Variants in PREX2 observed in about 807,000 individuals in gnomAD.
PREX2 encodes phosphatidylinositol-3,4,5-trisphosphate dependent Rac exchange factor 2.
Under a neutral mutation model 203.2 loss-of-function variants are expected in PREX2, and 107 were observed. The observed-to-expected ratio is 0.53, with a 90% CI of 0.45 to 0.62. PREX2 has a LOEUF of 0.62. Among genes scored for constraint, PREX2 ranks in the 20% least tolerant of loss-of-function variants. The pLI is 0.00. For missense variants in PREX2, 1,777 were observed against 1,955.9 expected (o/e 0.91, Z 1.72); for synonymous variants, 672 against 663.6 (o/e 1.01, Z -0.19).
At chr8:68,169,256 C>T (rs563487404) in intron 35 of PREX2, among the ~76,000 whole-genome samples, 1 of 152,170 alleles carries the variant, frequency 6.6e-6, no homozygotes, top group Non-Finnish European at 1.5e-5. Context: ...CCTGGGGAGG[C>T]AATCAGCCAG....
intron 37 of PREX2, among the ~76,000 whole-genome samples, chr8:68,205,002 A>G (rs978371649): frequency 1.3e-5 from 2 of 151,710 alleles, no homozygotes; most frequent in Admixed American, 6.6e-5. Flanking sequence ...CTTTTAAGCT[A>G]CTCGGAAACC....
At chr8:68,071,685 G>A (rs1246933657) in intron 13 of PREX2, among the ~76,000 whole-genome samples, 1 of 152,108 alleles carries the variant, frequency 6.6e-6, no homozygotes, top group Non-Finnish European at 1.5e-5. Flanking sequence ...TCTACTGAAC[G>A]GAGAGTCTGA....
At position 68,054,264 on chromosome 8, in the gene PREX2, G is replaced by A. The variant is rs143316852; in HGVS notation, c.1093+1018G>A. ...AGTTTATGAATATATGACTGACTAA[G>A]TTTTGTTGAATGTAGCAGTCAATTC... On this transcript the variant is annotated intron_variant, in intron 9 of 39. Coordinates refer to ENST00000288368, the MANE Select transcript of PREX2 (RefSeq NM_024870.4). Among the ~76,000 whole-genome samples, 7 of 151,980 alleles carry A rather than the reference G, an allele frequency of 4.6e-5. 1 individual carries two copies. The highest frequency in any genetic ancestry group is 1.2e-4 in the African/African-American group (5 of 41,470).
Position 68,089,843 on chromosome 8 carries a change from GTATT to G in PREX2, c.2114-731_2114-728del, listed in dbSNP as rs1480481995. On this transcript the variant is annotated intron_variant, in intron 19 of 39. Coordinates refer to ENST00000288368, the MANE Select transcript of PREX2 (RefSeq NM_024870.4). ...ATTATTTGCATTGTATTCATTACAT[GTATT>G]TATTAATGGTATTTTGTTAATATTG... Among the ~76,000 whole-genome samples, 4 of 152,226 alleles carry G rather than the reference GTATT, an allele frequency of 2.6e-5. No individual in the cohort carries two copies. The South Asian group carries it at 6.2e-4, about 24-fold the overall frequency.
At chr8:68,103,508 A>G (rs1487741436) in intron 23 of PREX2, 1 of 517,978 alleles carries the variant, frequency 1.9e-6, no homozygotes, top group Non-Finnish European at 3.9e-6. Context: ...TATATCACCT[A>G]CATTAAAAAG....
At chr8:67,971,756 A>T (rs895079897) in intron 1 of PREX2, among the ~76,000 whole-genome samples, 3 of 152,216 alleles carry the variant, frequency 2.0e-5, no homozygotes, top group Admixed American at 6.5e-5. Flanking sequence ...AGATATAGTT[A>T]AAGTTTTGAT....
intron 1 of PREX2, among the ~76,000 whole-genome samples, chr8:67,993,855 T>G (rs938983725): frequency 3.3e-5 from 5 of 152,178 alleles, no homozygotes; most frequent in African/African-American, 1.2e-4. Flanking sequence ...AAAAAATATA[T>G]GAGCCAAAGG....
intron 38 of PREX2, among the ~76,000 whole-genome samples, chr8:68,223,674 T>C (rs1444054773): frequency 1.3e-5 from 2 of 152,186 alleles, no homozygotes; most frequent in African/African-American, 4.8e-5. Context: ...TAGTAAGTAA[T>C]TTTCATGAGG....
At chr8:68,165,464 C>T (rs963594665) in intron 35 of PREX2, among the ~76,000 whole-genome samples, 14 of 151,922 alleles carry the variant, frequency 9.2e-5, no homozygotes, top group Non-Finnish European at 1.3e-4. Context: ...TTTTCACGGA[C>T]GGGTTTTTTA....
At chr8:68,138,653 A>G (rs1024223696) in intron 33 of PREX2, 136 bp downstream of exon 33, 10 of 495,598 alleles carry the variant, frequency 2.0e-5, no homozygotes, top group Non-Finnish European at 3.6e-6. Context: ...GAAATTTTCC[A>G]TCACTAATCT....
intron 35 of PREX2, among the ~76,000 whole-genome samples, chr8:68,183,176 T>C (rs1397839622): frequency 6.6e-6 from 1 of 152,096 alleles, no homozygotes; most frequent in African/African-American, 2.4e-5. Flanking sequence ...TATTTATGCT[T>C]TACAAAGGTA....
intron 29 of PREX2, 83 bp from the exon 30 acceptor site, chr8:68,120,838 G>A: frequency 8.4e-7 from 1 of 1,187,316 alleles, no homozygotes; most frequent in Non-Finnish European, 1.2e-6. Flanking sequence ...GGACAACAGT[G>A]ACAGAAGAAG....
At chr8:68,118,972 C>G (rs543744374) in intron 27 of PREX2, 1 of 478,180 alleles carries the variant, frequency 2.1e-6, no homozygotes, top group East Asian at 5.1e-5. Flanking sequence ...TGGGGATGGG[C>G]AGGTGTGGAG....
intron 37 of PREX2, among the ~76,000 whole-genome samples, chr8:68,205,677 C>G (rs991456130): frequency 6.6e-6 from 1 of 152,174 alleles, no homozygotes; most frequent in Non-Finnish European, 1.5e-5. Context: ...CAATCAGGTG[C>G]TTCATTCTAG....
chr8:68,222,069 A>G (rs1378129427), intron 38 of PREX2, among the ~76,000 whole-genome samples: 1 of 152,222 alleles, frequency 6.6e-6, no homozygotes, highest in African/African-American at 2.4e-5. Flanking sequence ...ATCAGTATGA[A>G]CTGATAAACA....
chr8:68,069,713 T>C (rs938778060), intron 12 of PREX2, 122 bp from the exon 13 acceptor site: 32 of 500,300 alleles, frequency 6.4e-5, no homozygotes, highest in Non-Finnish European at 1.0e-4. Context: ...AATTTTTAAA[T>C]TGGTTTAGAT....
At chr8:68,146,152 G>T (rs1811322060) in intron 33 of PREX2, 57 bp from the exon 34 acceptor site, 1 of 1,228,164 alleles carries the variant, frequency 8.1e-7, no homozygotes, top group Non-Finnish European at 1.2e-6. Context: ...GTTAACAAAA[G>T]TACCATCTAG....
intron 1 of PREX2, among the ~76,000 whole-genome samples, chr8:67,960,312 G>A (rs1305795034): frequency 6.6e-6 from 1 of 152,088 alleles, no homozygotes; most frequent in Non-Finnish European, 1.5e-5. Flanking sequence ...AAAGTGCTAC[G>A]ATTACAGGCG....
chr8:68,151,102 C>T (rs1811424705), intron 34 of PREX2, among the ~76,000 whole-genome samples: 1 of 152,040 alleles, frequency 6.6e-6, no homozygotes, highest in Non-Finnish European at 1.5e-5. Flanking sequence ...TTTAATTTGG[C>T]TACATCTGCA....
Sources: allele counts gnomAD v4.1 joint callset (sites outside exome capture counted in the v4.1 genomes callset), GRCh38; gene constraint gnomAD v4.1.1; transcripts MANE v1.5; gene names NCBI Gene and HGNC (gene_info 2026-07-23, HGNC 2026-07-21).